Variants in SV2B observed in about 807,000 individuals in gnomAD.
SV2B encodes the protein solute carrier family 22 member B2.
A neutral mutation model predicts 73.9 loss-of-function variants in SV2B; 41 were observed. That is an observed-to-expected ratio of 0.56 (90% CI 0.43 to 0.72). SV2B has a LOEUF of 0.72. SV2B is among the 30% of genes least tolerant of loss of function. The pLI, the probability that SV2B is intolerant of heterozygous loss-of-function variation, is 0.00. For missense variants in SV2B, 764 were observed against 857.8 expected (o/e 0.89, Z 1.37); for synonymous variants, 314 against 314.2 (o/e 1.00, Z 0.01).
intron 1 of SV2B, among the ~76,000 whole-genome samples, chr15:91,212,836 A>G (rs1378984034): frequency 6.6e-6 from 1 of 151,802 alleles, no homozygotes; most frequent in African/African-American, 2.4e-5. Context: ...TATTTTAAAA[A>G]AGAAAGTGAC....
intron 6 of SV2B, among the ~76,000 whole-genome samples, chr15:91,264,256 A>G (rs2048026389): frequency 6.6e-6 from 1 of 152,268 alleles, no homozygotes; most frequent in Non-Finnish European, 1.5e-5. Context: ...AAGTGATCCC[A>G]CATTCTCTCC....
intron 2 of SV2B, among the ~76,000 whole-genome samples, chr15:91,244,148 C>T (rs2047133651): frequency 6.6e-6 from 1 of 152,224 alleles, no homozygotes. Flanking sequence ...GAGGAAATCT[C>T]TTAACCTCAG....
At chr15:91,127,115 G>A (rs1480331254) in intron 1 of SV2B, among the ~76,000 whole-genome samples, 1 of 152,156 alleles carries the variant, frequency 6.6e-6, no homozygotes, top group East Asian at 1.9e-4. Context: ...GTATACAATG[G>A]GATGATAATT....
At chr15:91,279,367 G>A (rs2048609700) in intron 9 of SV2B, among the ~76,000 whole-genome samples, 1 of 152,240 alleles carries the variant, frequency 6.6e-6, no homozygotes, top group African/African-American at 2.4e-5. Flanking sequence ...CAAAGTGTAT[G>A]TAATGACAAT....
intron 12 of SV2B, among the ~76,000 whole-genome samples, chr15:91,291,534 G>A (rs1012430077): frequency 6.6e-6 from 1 of 152,202 alleles, no homozygotes; most frequent in Non-Finnish European, 1.5e-5. Context: ...TAAATGATTA[G>A]TAATAGTTCT....
intron 1 of SV2B, among the ~76,000 whole-genome samples, chr15:91,158,695 T>TCTTCCCTTCCCTTCC: frequency 1.5e-5 from 1 of 67,460 alleles, no homozygotes; most frequent in Middle Eastern, 5.8e-3. Context: ...TCTTCTCTTC[T>TCTTCCCTTCCCTTCC]CTTCTCTCCT....
chr15:91,250,489 A>T (rs963856262), intron 2 of SV2B, among the ~76,000 whole-genome samples: 1 of 152,188 alleles, frequency 6.6e-6, no homozygotes. Context: ...TTAGGCAAGA[A>T]AAAGAAATAA....
rs895269852 is a variant in SV2B at position 91,267,858 on chromosome 15, A to G, written c.1208+215A>G. Among the ~76,000 whole-genome samples, 6 of 150,230 alleles carry G rather than the reference A, an allele frequency of 4.0e-5. No individual in the cohort carries two copies. The highest frequency in any genetic ancestry group is 1.2e-4 in the African/African-American group (5 of 40,356). ...TTGCTCTGCACCCAGGCTGGAGTTC[A>G]GTGGCATGGGCTTGGCTCACTGCAG... On this transcript the variant is annotated intron_variant, in intron 8 of 12. Coordinates refer to ENST00000394232, the MANE Select transcript of SV2B (RefSeq NM_001323032.3). The surrounding 1 kb of genome is among the most constrained non-coding windows in gnomAD (Gnocchi z 4.3).
intron 1 of SV2B, among the ~76,000 whole-genome samples, chr15:91,135,333 G>C (rs2042787667): frequency 6.6e-6 from 1 of 152,118 alleles, no homozygotes; most frequent in Non-Finnish European, 1.5e-5. Flanking sequence ...GAGAACACTT[G>C]GCATTCAGCA....
At position 91,249,041 on chromosome 15, in the gene SV2B, C is replaced by T. The variant is rs146663746; in HGVS notation, c.452-2778C>T. 3.3e-3 allele frequency among the ~76,000 whole-genome samples: 489 copies of T among 148,556 alleles called. 3 individuals carry two copies. Among genetic ancestry groups the T allele is most frequent in the African/African-American group, 0.012 (469 of 40,188 alleles). On this transcript the variant is annotated intron_variant, in intron 2 of 12. Transcript: ENST00000394232. The stretch of plus-strand genomic sequence containing the variant: ...ACCCATGTGCACACACACAATCACA[C>T]GTGCATGCATCCATACATCTACGTT...
intron 1 of SV2B, among the ~76,000 whole-genome samples, chr15:91,116,770 AG>A (rs1234515213): frequency 6.6e-6 from 1 of 152,236 alleles, no homozygotes; most frequent in South Asian, 2.1e-4. Context: ...TAACTTATAA[AG>A]AAAAAGAGGT....
intron 1 of SV2B, among the ~76,000 whole-genome samples, chr15:91,154,258 T>C (rs1054021253): frequency 4.6e-5 from 7 of 151,964 alleles, no homozygotes; most frequent in African/African-American, 1.2e-4. Context: ...ACTGGTCTCA[T>C]CTCTGGAAAG....
At chr15:91,248,287 C>T (rs939274012) in intron 2 of SV2B, among the ~76,000 whole-genome samples, 7 of 152,174 alleles carry the variant, frequency 4.6e-5, no homozygotes, top group Non-Finnish European at 8.8e-5. Context: ...TGCCACTACA[C>T]TCCAGCCTGG....
At position 91,110,800 on chromosome 15, in the gene SV2B, A is replaced by G. The variant is rs543253765; in HGVS notation, c.-392+10437A>G. On this transcript the variant is annotated intron_variant, in intron 1 of 12. Coordinates refer to ENST00000394232, the MANE Select transcript of SV2B (RefSeq NM_001323032.3). The surrounding 1 kb of genome is among the most constrained non-coding windows in gnomAD (Gnocchi z 5.4). ...GACAAGTGACGAACACATCCCACAC[A>G]TGCCAGTGTAAGGGTCTGTGAATTA... is the stretch of plus-strand genomic sequence containing the variant. Among the ~76,000 whole-genome samples the G allele has an allele frequency of 4.6e-5, 7 of 152,326 alleles. No homozygotes were observed. The highest frequency in any genetic ancestry group is 1.0e-4 in the Non-Finnish European group (7 of 68,026).
intron 2 of SV2B, among the ~76,000 whole-genome samples, chr15:91,248,256 G>A (rs1022402244): frequency 7.2e-5 from 11 of 152,140 alleles, no homozygotes; most frequent in Admixed American, 2.0e-4. Flanking sequence ...GGGAGGCGGA[G>A]CTTGCAGTGA....
Position 91,118,524 on chromosome 15 carries a change from G to T in SV2B, c.-392+18161G>T, listed in dbSNP as rs148464031. On this transcript the variant is annotated intron_variant, in intron 1 of 12. Coordinates refer to ENST00000394232, the MANE Select transcript of SV2B (RefSeq NM_001323032.3). This position sits in a 1 kb window ranked among gnomAD's most constrained non-coding sequence, Gnocchi z 4.7. The stretch of plus-strand genomic sequence containing the variant: ...CCTGATGTGTAGGGGAGGAGCAGGA[G>T]CCCCAGGGCTGTCCAGGCTCAATCA... 9.3e-3 allele frequency among the ~76,000 whole-genome samples: 1,417 copies of T among 152,286 alleles called. 24 individuals are homozygous for T. The highest frequency in any genetic ancestry group is 0.033 in the African/African-American group (1,357 of 41,540).
chr15:91,271,421 G>T (rs1244883284), intron 9 of SV2B, among the ~76,000 whole-genome samples: 1 of 152,204 alleles, frequency 6.6e-6, no homozygotes, highest in Non-Finnish European at 1.5e-5. Context: ...ATGTATAGGT[G>T]TGCCAAGGAT....
intron 1 of SV2B, among the ~76,000 whole-genome samples, chr15:91,102,609 A>C (rs1248210003): frequency 6.6e-6 from 1 of 152,104 alleles, no homozygotes; most frequent in Non-Finnish European, 1.5e-5. Context: ...AATTAATGAG[A>C]GAGTGTGTGT....
intron 1 of SV2B, among the ~76,000 whole-genome samples, chr15:91,114,715 T>G (rs995303287): frequency 3.3e-5 from 5 of 152,202 alleles, no homozygotes; most frequent in Admixed American, 6.5e-5. Context: ...TTCTCCTCTG[T>G]GCTCTGTGCT....
Sources: allele counts gnomAD v4.1 joint callset (sites outside exome capture counted in the v4.1 genomes callset), GRCh38; gene constraint gnomAD v4.1.1; non-coding constraint Gnocchi (gnomAD v3.1); transcripts MANE v1.5; gene names NCBI Gene and HGNC (gene_info 2026-07-23, HGNC 2026-07-21).